The following SUN5 variants were observed in gnomAD, a reference collection of about 807,000 sequenced individuals.
The protein encoded by SUN5 is SUN domain-containing protein 5.
SUN5 carries 44 observed loss-of-function variants against 53.7 expected under a neutral mutation model. The ratio of observed to expected loss-of-function variants is 0.82; its 90% CI spans 0.64 to 1.05. The LOEUF (loss-of-function observed/expected upper bound fraction) is 1.05. SUN5 is among the 50% of genes least tolerant of loss of function. SUN5 has a pLI of 0.00. For synonymous variants in SUN5, 166 were observed against 179.8 expected (o/e 0.92, Z 0.62); for missense variants, 433 against 483.8 (o/e 0.90, Z 0.98).
chr20:32,985,640 A>C, intron 11 of SUN5, 96 bp downstream of exon 11: 2 of 1,442,048 alleles, frequency 1.4e-6, no homozygotes, highest in Admixed American at 2.0e-5. Context: ...CCAGCCTGCA[A>C]GTGTTGTGCA....
intron 9 of SUN5, among the ~76,000 whole-genome samples, chr20:32,988,080 A>G (rs1258949696): frequency 6.6e-6 from 1 of 151,908 alleles, no homozygotes; most frequent in Non-Finnish European, 1.5e-5. Flanking sequence ...GGTGGCTATT[A>G]TTAGCAGAGC....
intron 8 of SUN5, among the ~76,000 whole-genome samples, chr20:32,995,294 A>G (rs1318053291): frequency 6.6e-6 from 1 of 152,242 alleles, no homozygotes; most frequent in African/African-American, 2.4e-5. Context: ...AGGATCAATA[A>G]TAAGAGTGCC....
At chr20:32,996,108 G>T (rs1267920854) in intron 7 of SUN5, among the ~76,000 whole-genome samples, 1 of 152,168 alleles carries the variant, frequency 6.6e-6, no homozygotes, top group Admixed American at 6.5e-5. Flanking sequence ...CCAAGAGCAA[G>T]ATGGGTGTTA....
chr20:32,993,210 G>T (rs1989752848), intron 8 of SUN5, among the ~76,000 whole-genome samples: 1 of 152,212 alleles, frequency 6.6e-6, no homozygotes, highest in Non-Finnish European at 1.5e-5. Flanking sequence ...CATTTCTTAG[G>T]CCCAAAGGCC....
intron 10 of SUN5, among the ~76,000 whole-genome samples, chr20:32,987,127 C>T (rs1989566128): frequency 6.6e-6 from 1 of 152,200 alleles, no homozygotes; most frequent in Non-Finnish European, 1.5e-5. Context: ...CAAGCCCTTT[C>T]CTTCTCTGGG....
At position 33,001,203 on chromosome 20, in the gene SUN5, C is replaced by G; in HGVS notation, c.278+9G>C. 1 of 1,567,458 alleles carries G rather than the reference C, an allele frequency of 6.4e-7. No homozygotes were observed. Among genetic ancestry groups the G allele is most frequent in the Non-Finnish European group, 8.7e-7 (1 of 1,153,996 alleles). The stretch of plus-strand genomic sequence containing the variant: ...CCCCATCCACCCTCCCCCTGCCTTC[C>G]CTGCTCACCTGCACGTGTTAAACAG... On this transcript the variant is annotated intron_variant, in intron 4 of 12. Coordinates refer to ENST00000356173, the MANE Select transcript of SUN5 (RefSeq NM_080675.4).
intron 6 of SUN5, among the ~76,000 whole-genome samples, chr20:32,996,889 C>T (rs1376786281): frequency 1.3e-5 from 2 of 152,204 alleles, no homozygotes; most frequent in African/African-American, 2.4e-5. Flanking sequence ...TCCATGCACA[C>T]TCCCATCTGG....
Position 33,002,878 on chromosome 20 carries a change from TC to T in SUN5, c.118del (p.Asp40ThrfsTer6). On this transcript the variant is annotated frameshift_variant, in exon 2 of 13. Coordinates refer to ENST00000356173, the MANE Select transcript of SUN5 (RefSeq NM_080675.4). LOFTEE classifies it high-confidence loss of function. ...TTGCTCACTCATGTTTGGGGAGGTG[TC>T]CTCTGCCATCCTGCTGGTGTTCCGG... ...RGRNTSRMAE[D>X]TSPNMNDNIL... 1 of 1,614,096 alleles carries T rather than the reference TC, an allele frequency of 6.2e-7. No homozygotes were observed. The highest frequency in any genetic ancestry group is 8.5e-7 in the Non-Finnish European group (1 of 1,180,030).
At chr20:32,984,805 A>G (rs1014828637) in intron 12 of SUN5, among the ~76,000 whole-genome samples, 10 of 152,220 alleles carry the variant, frequency 6.6e-5, no homozygotes, top group Admixed American at 2.0e-4. Flanking sequence ...CCCCTGCCCA[A>G]TGGGAACCTC....
In SUN5 at chr20:32,984,182, T is replaced by A. The variant is rs1989471233; in HGVS notation, c.985-233A>T. ...GGGTAAGGAAATGTCCTGGCCTTAATGCTGTGGGATCTTGGGCAAACCTCC... is the reference window on the plus strand; with the variant it reads ...GGGTAAGGAAATGTCCTGGCCTTAAAGCTGTGGGATCTTGGGCAAACCTCC... On this transcript the variant is annotated intron_variant, in intron 12 of 12. Coordinates refer to ENST00000356173, the MANE Select transcript of SUN5 (RefSeq NM_080675.4). Among the ~76,000 whole-genome samples, 3 of 152,214 alleles carry A rather than the reference T, an allele frequency of 2.0e-5. No homozygotes were observed. The South Asian group carries it at 6.2e-4, about 32-fold the overall frequency.
chr20:33,000,851 A>G (rs1308354634), intron 4 of SUN5, among the ~76,000 whole-genome samples: 2 of 152,054 alleles, frequency 1.3e-5, no homozygotes, highest in Non-Finnish European at 2.9e-5. Flanking sequence ...TCTAAAAAAA[A>G]AAAAAAAAAA....
chr20:32,996,383 G>T, intron 6 of SUN5, 25 bp from the exon 7 acceptor site: 1 of 1,608,296 alleles, frequency 6.2e-7, no homozygotes, highest in Non-Finnish European at 8.5e-7. Flanking sequence ...AGAAAGTAAG[G>T]GGTCTCCTTC....
chr20:32,989,814 A>C (rs1600492165), intron 8 of SUN5, 116 bp from the exon 9 acceptor site: 96 of 832,222 alleles, frequency 1.2e-4, no homozygotes, highest in East Asian at 7.8e-5. Flanking sequence ...CTAACAGCCC[A>C]CCCCTGCCTG....
chr20:32,997,442 A>G lies in SUN5; in HGVS notation c.390+196T>C, dbSNP rs73907334. ...TCTTGGAGGAGGGACTATTGCATCC[A>G]ATCTTTGAAAGTCACCTCTGGCAGA... On this transcript the variant is annotated intron_variant, in intron 6 of 12. Coordinates refer to ENST00000356173, the MANE Select transcript of SUN5 (RefSeq NM_080675.4). Among the ~76,000 whole-genome samples, 991 of 152,214 alleles carry G rather than the reference A, an allele frequency of 6.5e-3. 11 individuals are homozygous for G. The highest frequency in any genetic ancestry group is 0.02 in the African/African-American group (846 of 41,538).
At chr20:32,996,241 T>A in intron 7 of SUN5, 83 bp downstream of exon 7, 1 of 1,414,482 alleles carries the variant, frequency 7.1e-7, no homozygotes, top group East Asian at 2.3e-5. Flanking sequence ...GCAGAGCCTA[T>A]ATTTGTAGCC....
intron 8 of SUN5, 117 bp from the exon 9 acceptor site, chr20:32,989,815 C>A: frequency 1.2e-6 from 1 of 831,648 alleles, no homozygotes; most frequent in Non-Finnish European, 2.0e-6. Flanking sequence ...TAACAGCCCA[C>A]CCCTGCCTGT....
At chr20:33,000,843 T>TA (rs538864856) in intron 4 of SUN5, among the ~76,000 whole-genome samples, 329 of 107,248 alleles carry the variant, frequency 3.1e-3, no homozygotes, top group Admixed American at 3.9e-3. Flanking sequence ...AAACCCTGTC[T>TA]AAAAAAAAAA....
intron 3 of SUN5, 62 bp from the exon 4 acceptor site, chr20:33,001,340 C>T: frequency 1.3e-6 from 2 of 1,539,866 alleles, no homozygotes; most frequent in Non-Finnish European, 1.8e-6. Context: ...ACTACAAGGA[C>T]CTGCTGACCT....
In SUN5 at chr20:33,004,377, A is replaced by C; in HGVS notation, c.-37T>G. On this transcript the variant is annotated 5_prime_UTR_variant, in exon 1 of 13. Coordinates refer to ENST00000356173, the MANE Select transcript of SUN5 (RefSeq NM_080675.4). ...TTTAGGATTGGGGATGGAGATGGGAACTCTGGGAGCTGGTGAGGAGGAAGG... is the reference window on the plus strand; with the variant it reads ...TTTAGGATTGGGGATGGAGATGGGACCTCTGGGAGCTGGTGAGGAGGAAGG... The C allele has an allele frequency of 6.5e-7, 1 of 1,527,668 alleles. No individual in the cohort carries two copies. Among genetic ancestry groups the C allele is most frequent in the Non-Finnish European group, 8.8e-7 (1 of 1,135,328 alleles). The allele number at this position is 1,527,668 out of a possible 1,614,324, so 94.6% of individuals were successfully genotyped here.
Sources: gnomAD v4.1 joint callset for allele counts (sites outside exome capture counted in the v4.1 genomes callset) on GRCh38, gnomAD v4.1.1 for gene constraint, MANE v1.5 for transcripts, NCBI Gene and HGNC (gene_info 2026-07-23, HGNC 2026-07-21) for gene names.